The following GNE variants were observed in gnomAD, a reference collection of about 807,000 sequenced individuals.
GNE encodes bifunctional UDP-N-acetylglucosamine 2-epimerase/N-acetylmannosamine kinase.
Under a neutral mutation model 61.8 loss-of-function variants are expected in GNE, and 41 were observed. The ratio of observed to expected loss-of-function variants is 0.66; its 90% CI spans 0.52 to 0.86. The LOEUF (loss-of-function observed/expected upper bound fraction) is 0.86, where lower values mean the gene tolerates loss of function less well. Ranked by LOEUF, GNE falls within the 40% of genes least tolerant of loss-of-function variation. The pLI, the probability that GNE is intolerant of heterozygous loss-of-function variation, is 0.00. For synonymous variants in GNE, 264 were observed against 326.4 expected, an observed-to-expected ratio of 0.81 and a Z score of 2.06; for missense variants, 608 against 909.1, an observed-to-expected ratio of 0.67 and a Z score of 4.26.
At chr9:36,255,794 AAAAG>A (rs1160115870) in intron 1 of GNE, among the ~76,000 whole-genome samples, 1 of 152,214 alleles carries the variant, frequency 6.6e-6, no homozygotes, top group African/African-American at 2.4e-5. Context: ...CTGAGCCACC[AAAAG>A]AAAGACAGAA....
intron 11 of GNE, 148 bp from the exon 12 acceptor site, chr9:36,217,748 T>G: frequency 1.5e-6 from 1 of 688,006 alleles, no homozygotes; most frequent in Admixed American, 2.2e-5. Flanking sequence ...CAGTTCACGG[T>G]TGATTCTTAA....
chr9:36,221,544 G>A (rs1285312610), intron 9 of GNE, among the ~76,000 whole-genome samples: 6 of 152,136 alleles, frequency 3.9e-5, no homozygotes, highest in Non-Finnish European at 8.8e-5. Context: ...ATAAAAAAAT[G>A]ACAGAGCAGG....
intron 1 of GNE, among the ~76,000 whole-genome samples, chr9:36,249,961 C>T (rs778203354): frequency 2.6e-5 from 4 of 151,652 alleles, no homozygotes; most frequent in Non-Finnish European, 2.9e-5. Flanking sequence ...AGAAAACACA[C>T]TGGAATGCCA....
intron 1 of GNE, among the ~76,000 whole-genome samples, chr9:36,269,497 C>T (rs1451889452): frequency 6.6e-6 from 1 of 151,156 alleles, no homozygotes; most frequent in African/African-American, 2.4e-5. Context: ...TCATTTTATC[C>T]TGTTGACTTT....
chr9:36,237,549 TAA>T (rs1384918031), intron 3 of GNE, among the ~76,000 whole-genome samples: 2 of 152,040 alleles, frequency 1.3e-5, no homozygotes, highest in Non-Finnish European at 2.9e-5. Flanking sequence ...ATTTAAAAGG[TAA>T]AAAGTTTAGA....
intron 1 of GNE, among the ~76,000 whole-genome samples, chr9:36,249,894 A>G (rs1563949792): frequency 6.6e-6 from 1 of 152,076 alleles, no homozygotes; most frequent in African/African-American, 2.4e-5. Context: ...AAAAAAAAAA[A>G]AAGAAGAAGA....
chr9:36,215,141 A>G lies in GNE; in HGVS notation c.*2224T>C, dbSNP rs1475341750. 6.6e-6 allele frequency: 1 copy of G among 152,036 alleles called. No homozygotes were observed. Among genetic ancestry groups the G allele is most frequent in the Non-Finnish European group, 1.5e-5 (1 of 68,034 alleles). The allele number at this position is 152,036 out of a possible 1,614,324, so 9.4% of individuals were successfully genotyped here. A position where few individuals can be genotyped will look rare whatever the true frequency, so the allele number is the denominator to read the frequency against. On this transcript the variant is annotated 3_prime_UTR_variant, in exon 12 of 12. Coordinates refer to ENST00000642385, the MANE Select transcript of GNE (RefSeq NM_005476.7). The stretch of plus-strand genomic sequence containing the variant: ...GGAGTTCAAGACCAGCCTGGCCAAC[A>G]TGGTGAAACCCTGTCTACTAAAAAT...
At chr9:36,254,644 A>G (rs752429701) in intron 1 of GNE, among the ~76,000 whole-genome samples, 15 of 152,004 alleles carry the variant, frequency 9.9e-5, no homozygotes, top group Middle Eastern at 3.2e-3. Context: ...GAGAATGCAA[A>G]AAGCTGCTTT....
chr9:36,258,263 G>T, intron 1 of GNE, 58 bp downstream of exon 1: 1 of 934,022 alleles, frequency 1.1e-6, no homozygotes, highest in Non-Finnish European at 1.3e-6. Context: ...CGGGGGAGGC[G>T]GCCCTGGGGG....
Position 36,242,514 on chromosome 9 carries a change from G to A in GNE, c.616+3517C>T, listed in dbSNP as rs144687810. Among the ~76,000 whole-genome samples, 812 of 152,034 alleles carry A rather than the reference G, an allele frequency of 5.3e-3. 9 individuals are homozygous for A. The highest frequency in any genetic ancestry group is 0.018 in the African/African-American group (737 of 41,466). ...GCTCACTGCAGCCTCCGCCTCCTGG[G>A]TTTCATGCAATTCTTCTGCCTCAGC... On this transcript the variant is annotated intron_variant, in intron 3 of 11. Transcript: ENST00000642385.
At chr9:36,268,280 C>T (rs4878648) in intron 1 of GNE, among the ~76,000 whole-genome samples, 56,082 of 152,100 alleles carry the variant, frequency 0.37, 10,987 homozygotes, top group Non-Finnish European at 0.44. Flanking sequence ...TCCAGAAGAA[C>T]TGGAAATGTG....
chr9:36,216,897 C>A lies in GNE; in HGVS notation c.*468G>T. ...CCATGTTAGCCAGGGCGGTCTCGATCTCCTGACCTCGTGATCCGCCCGCCT... is the reference window on the plus strand; with the variant it reads ...CCATGTTAGCCAGGGCGGTCTCGATATCCTGACCTCGTGATCCGCCCGCCT... On this transcript the variant is annotated 3_prime_UTR_variant, in exon 12 of 12. Transcript: ENST00000642385. The A allele has an allele frequency of 4.8e-6, 1 of 206,616 alleles. No homozygotes were observed. The allele number at this position is 206,616 out of a possible 1,614,324, so 12.8% of individuals were successfully genotyped here. A position where few individuals can be genotyped will look rare whatever the true frequency, so the allele number is the denominator to read the frequency against.
intron 1 of GNE, among the ~76,000 whole-genome samples, chr9:36,250,311 C>G (rs1412500629): frequency 6.6e-6 from 1 of 152,134 alleles, no homozygotes; most frequent in African/African-American, 2.4e-5. Flanking sequence ...CCTTCAAGCC[C>G]TCATTAGTAC....
chr9:36,221,334 C>T (rs1479361318), intron 9 of GNE, among the ~76,000 whole-genome samples: 2 of 152,056 alleles, frequency 1.3e-5, no homozygotes, highest in Admixed American at 1.3e-4. Flanking sequence ...TAAATAAGTA[C>T]ATGAGCTTAA....
chr9:36,258,272 G>C, intron 1 of GNE, 49 bp downstream of exon 1: 1 of 960,714 alleles, frequency 1.0e-6, no homozygotes. Flanking sequence ...CGGCCCTGGG[G>C]GTGGGCAGGA....
chr9:36,269,962 G>A (rs1266981467), intron 1 of GNE, among the ~76,000 whole-genome samples: 8 of 150,616 alleles, frequency 5.3e-5, no homozygotes, highest in South Asian at 2.1e-4. Context: ...GCGCCCGGCC[G>A]GTTGTTGGGT....
intron 1 of GNE, among the ~76,000 whole-genome samples, chr9:36,271,084 T>A (rs1292858539): frequency 6.6e-6 from 1 of 152,188 alleles, no homozygotes; most frequent in Non-Finnish European, 1.5e-5. Context: ...AGATAAAGTA[T>A]GCCTAGGGGA....
upstream of GNE, among the ~76,000 whole-genome samples, chr9:36,258,815 C>T (rs965640354): frequency 3.2e-4 from 49 of 152,344 alleles, no homozygotes; most frequent in Non-Finnish European, 5.7e-4. Flanking sequence ...TCAGTTATTT[C>T]ATAAACCAGG....
chr9:36,262,791 C>A (rs970997851), upstream of GNE, among the ~76,000 whole-genome samples: 4 of 152,286 alleles, frequency 2.6e-5, no homozygotes, highest in African/African-American at 9.6e-5. Flanking sequence ...ACTTTGGGAA[C>A]ATTTCTTGTA....
Sources: gnomAD v4.1 joint callset for allele counts (sites outside exome capture counted in the v4.1 genomes callset) on GRCh38, gnomAD v4.1.1 for gene constraint, MANE v1.5 for transcripts, NCBI Gene and HGNC (gene_info 2026-07-23, HGNC 2026-07-21) for gene names.